GNAL: variants seen among roughly 807,000 people sequenced by gnomAD.
GNAL encodes guanine nucleotide-binding protein G(olf) subunit alpha.
A neutral mutation model predicts 55.1 loss-of-function variants in GNAL; 18 were observed. The observed-to-expected ratio is 0.33, with a 90% CI of 0.23 to 0.48. The LOEUF (loss-of-function observed/expected upper bound fraction) is 0.48, where lower values mean the gene tolerates loss of function less well. Among genes scored for constraint, GNAL ranks in the 20% least tolerant of loss-of-function variants. The pLI is 0.99. For synonymous variants in GNAL, 253 were observed against 237.0 expected (o/e 1.07, Z -0.62); for missense variants, 412 against 614.1 (o/e 0.67, Z 3.48).
At chr18:11,808,593 T>G (rs1183525946) in intron 4 of GNAL, among the ~76,000 whole-genome samples, 1 of 152,220 alleles carries the variant, frequency 6.6e-6, no homozygotes, top group Non-Finnish European at 1.5e-5. Flanking sequence ...GAAACTCTTG[T>G]AATATATATA....
chr18:11,698,221 G>A (rs1423464679), intron 1 of GNAL, among the ~76,000 whole-genome samples: 7 of 152,036 alleles, frequency 4.6e-5, no homozygotes, highest in South Asian at 4.1e-4. Context: ...GGCTGGGCGC[G>A]GTGGCTCATG....
At chr18:11,699,999 T>G (rs1011214401) in intron 1 of GNAL, among the ~76,000 whole-genome samples, 2 of 152,200 alleles carry the variant, frequency 1.3e-5, no homozygotes, top group African/African-American at 4.8e-5. Flanking sequence ...GCTGTGAACC[T>G]AAAACTGCTC....
chr18:11,851,836 G>T, intron 5 of GNAL: 1 of 1,613,984 alleles, frequency 6.2e-7, no homozygotes, highest in South Asian at 1.1e-5. Flanking sequence ...CATGAATCTG[G>T]AGAAGATTTC....
At chr18:11,837,572 C>T (rs1167190713) in intron 5 of GNAL, among the ~76,000 whole-genome samples, 1 of 152,186 alleles carries the variant, frequency 6.6e-6, no homozygotes, top group African/African-American at 2.4e-5. Flanking sequence ...TGACATTCCA[C>T]TTCATAACCC....
chr18:11,833,092 C>T (rs1395071113), intron 5 of GNAL, among the ~76,000 whole-genome samples: 1 of 150,840 alleles, frequency 6.6e-6, no homozygotes, highest in Admixed American at 6.6e-5. Flanking sequence ...AGTGCAGTGG[C>T]GCGATCTCCA....
Position 11,884,527 on chromosome 18 carries a change from A to T in GNAL, c.*3392A>T. On this transcript the variant is annotated 3_prime_UTR_variant, in exon 12 of 12. Coordinates refer to ENST00000334049, the MANE Select transcript of GNAL (RefSeq NM_182978.4). The stretch of plus-strand genomic sequence containing the variant: ...AAGCCCAAAGTGAGTGAGTGTGAGG[A>T]CCACAAGGAAGCCCACCACTCCACA... 1 of 1,614,144 alleles carries T rather than the reference A, an allele frequency of 6.2e-7. No homozygotes were observed. Among genetic ancestry groups the T allele is most frequent in the Non-Finnish European group, 8.5e-7 (1 of 1,180,020 alleles).
chr18:11,713,943 G>T (rs868782602), intron 1 of GNAL, among the ~76,000 whole-genome samples: 3 of 152,196 alleles, frequency 2.0e-5, no homozygotes, highest in African/African-American at 7.2e-5. Context: ...GGTCTAAAGG[G>T]CGAGGCCTAA....
At position 11,689,444 on chromosome 18, in the gene GNAL, G is replaced by A; in HGVS notation, c.-120G>A. ...GCCGGCAGCGCCGAACAGGGTCCGG[G>A]TGCAGCCCCCTCCCGCCCCTCCGCT... On this transcript the variant is annotated 5_prime_UTR_variant, in exon 1 of 12. It adds an upstream start codon to the 5' untranslated region. Transcript: ENST00000334049. The A allele has an allele frequency of 2.4e-6, 1 of 417,110 alleles. No homozygotes were observed. 25.8% of individuals were successfully genotyped at this position (417,110 alleles called of 1,614,324 possible).
chr18:11,767,536 G>A (rs796456758), intron 4 of GNAL, among the ~76,000 whole-genome samples: 10 of 151,666 alleles, frequency 6.6e-5, no homozygotes, highest in Non-Finnish European at 1.3e-4. Context: ...GCTGTACTCT[G>A]TGAGCCCTTG....
At chr18:11,851,453 C>T in intron 5 of GNAL, 1 of 1,471,404 alleles carries the variant, frequency 6.8e-7, no homozygotes, top group South Asian at 1.4e-5. Flanking sequence ...CTTACCTTAC[C>T]TTCTCTGCCT....
chr18:11,830,854 C>T (rs188245041), intron 5 of GNAL, among the ~76,000 whole-genome samples: 1 of 152,230 alleles, frequency 6.6e-6, no homozygotes, highest in African/African-American at 2.4e-5. Flanking sequence ...AAACATCACA[C>T]TAAGTGAAAG....
intron 4 of GNAL, among the ~76,000 whole-genome samples, chr18:11,774,135 G>A (rs1187992250): frequency 4.6e-5 from 7 of 152,284 alleles, no homozygotes; most frequent in African/African-American, 1.7e-4. Context: ...TTCACCATGC[G>A]TAATGTTATG....
chr18:11,747,053 C>T (rs2032703644), intron 1 of GNAL: 6 of 455,650 alleles, frequency 1.3e-5, no homozygotes, highest in South Asian at 3.4e-5. Context: ...TGTATATTTT[C>T]ATGAGGCCGA....
At chr18:11,871,203 A>G (rs1380141619) in intron 9 of GNAL, among the ~76,000 whole-genome samples, 4 of 151,278 alleles carry the variant, frequency 2.6e-5, no homozygotes, top group African/African-American at 7.3e-5. Context: ...GAAGCAGGTA[A>G]GCTATTTCCA....
intron 1 of GNAL, among the ~76,000 whole-genome samples, chr18:11,750,565 G>T (rs558298590): frequency 5.3e-5 from 8 of 152,172 alleles, no homozygotes; most frequent in Non-Finnish European, 1.0e-4. Flanking sequence ...CTCTAGGAGG[G>T]ATCAAAGCAG....
chr18:11,725,641 T>C (rs2143419976), intron 1 of GNAL, among the ~76,000 whole-genome samples: 1 of 152,316 alleles, frequency 6.6e-6, no homozygotes, highest in Non-Finnish European at 1.5e-5. Flanking sequence ...TTCATTTCTT[T>C]TCATCATCAA....
rs1567985679 is a variant in GNAL at position 11,689,555 on chromosome 18, C to G, written c.-9C>G. ...GTCCCGCGCGCCGCCCCCGCTGTGC[C>G]GCGCCCACATGGGTCTGTGCTACAG... On this transcript the variant is annotated 5_prime_UTR_variant, in exon 1 of 12. Transcript: ENST00000334049. 8.1e-7 allele frequency: 1 copy of G among 1,233,036 alleles called. No homozygotes were observed. The highest frequency in any genetic ancestry group is 1.0e-6 in the Non-Finnish European group (1 of 982,696). 76.4% of individuals were successfully genotyped at this position (1,233,036 alleles called of 1,614,324 possible). A position where few individuals can be genotyped will look rare whatever the true frequency, so the allele number is the denominator to read the frequency against.
chr18:11,764,758 G>T (rs1171102922), intron 4 of GNAL, among the ~76,000 whole-genome samples: 2 of 151,984 alleles, frequency 1.3e-5, no homozygotes, highest in Non-Finnish European at 2.9e-5. Context: ...CTGGGCGGCA[G>T]AGTGAGACCC....
chr18:11,825,064 G>GCCCC, intron 5 of GNAL, 49 bp downstream of exon 5: 2 of 788,236 alleles, frequency 2.5e-6, no homozygotes, highest in Non-Finnish European at 4.4e-6. Context: ...GAATATGATT[G>GCCCC]CATGCATGAT....
Sources: allele counts gnomAD v4.1 joint callset (sites outside exome capture counted in the v4.1 genomes callset), GRCh38; gene constraint gnomAD v4.1.1; transcripts MANE v1.5; gene names NCBI Gene and HGNC (gene_info 2026-07-23, HGNC 2026-07-21).